Variants in PRR16 observed in about 807,000 individuals in gnomAD.
PRR16 encodes protein Largen.
A neutral mutation model predicts 18.2 loss-of-function variants in PRR16; 6 were observed. The ratio of observed to expected loss-of-function variants is 0.33; its 90% confidence interval spans 0.18 to 0.65. The LOEUF is 0.65. Among genes scored for constraint, PRR16 ranks in the 30% least tolerant of loss-of-function variants. The pLI is 0.74. For missense variants in PRR16, 412 were observed against 376.6 expected (o/e 1.09, Z -0.78); for synonymous variants, 151 against 147.8 (o/e 1.02, Z -0.16).
At chr5:120,479,463 G>A (rs2604164) in intron 1 of PRR16, among the ~76,000 whole-genome samples, 44,970 of 151,730 alleles carry the variant, frequency 0.3, 7,849 homozygotes, top group African/African-American at 0.48. Context: ...ATTATATACC[G>A]GAATAACCAC....
the PRR16 span, among the ~76,000 whole-genome samples, chr5:120,735,920 C>G: frequency 6.6e-6 from 1 of 152,054 alleles, no homozygotes; most frequent in African/African-American, 2.4e-5. Context: ...AGCTTTTCTC[C>G]TATGTTTGCT....
At chr5:120,598,120 T>C (rs919514491) in intron 1 of PRR16, among the ~76,000 whole-genome samples, 1 of 151,604 alleles carries the variant, frequency 6.6e-6, no homozygotes, top group African/African-American at 2.4e-5. Context: ...TATGTATAGG[T>C]TACCTTGTGA....
intron 1 of PRR16, among the ~76,000 whole-genome samples, chr5:120,512,780 C>T (rs539723191): frequency 1.3e-5 from 2 of 152,022 alleles, no homozygotes; most frequent in South Asian, 4.2e-4. Flanking sequence ...AAAAGGAGAC[C>T]AAAGTGAGAG....
chr5:120,586,266 G>T (rs1359675030), intron 1 of PRR16, among the ~76,000 whole-genome samples: 4 of 151,972 alleles, frequency 2.6e-5, no homozygotes, highest in Admixed American at 2.6e-4. Context: ...AATTGACTGG[G>T]TTATAGGTCT....
At chr5:120,581,879 G>A (rs1401337340) in intron 1 of PRR16, among the ~76,000 whole-genome samples, 1 of 152,092 alleles carries the variant, frequency 6.6e-6, no homozygotes, top group Non-Finnish European at 1.5e-5. Flanking sequence ...TGGTCTGAGA[G>A]ACTGTTTGTT....
intron 1 of PRR16, among the ~76,000 whole-genome samples, chr5:120,611,512 G>A (rs1239120923): frequency 2.6e-5 from 4 of 152,156 alleles, no homozygotes; most frequent in Admixed American, 2.6e-4. Context: ...GGTGCCCTGT[G>A]TACCAGCCGT....
intron 1 of PRR16, among the ~76,000 whole-genome samples, chr5:120,645,752 T>G (rs1490214305): frequency 6.6e-6 from 1 of 152,052 alleles, no homozygotes; most frequent in Non-Finnish European, 1.5e-5. Flanking sequence ...CTCCGTCATG[T>G]CATCCTTGGT....
chr5:120,779,066 C>T, the PRR16 span, among the ~76,000 whole-genome samples: 11 of 152,210 alleles, frequency 7.2e-5, no homozygotes, highest in Middle Eastern at 3.4e-3. Context: ...TTCCAGCATG[C>T]CTCATTTCCA....
intron 1 of PRR16, among the ~76,000 whole-genome samples, chr5:120,630,200 T>A (rs1439917221): frequency 6.6e-6 from 1 of 152,178 alleles, no homozygotes; most frequent in Non-Finnish European, 1.5e-5. Flanking sequence ...CTTTTTCTAA[T>A]TTTAATATAT....
chr5:120,470,282 A>T (rs2112796868), intron 1 of PRR16, among the ~76,000 whole-genome samples: 1 of 152,234 alleles, frequency 6.6e-6, no homozygotes, highest in Admixed American at 6.5e-5. Flanking sequence ...GGGCACTATT[A>T]AAAAAATCAA....
chr5:120,780,403 C>G, the PRR16 span, among the ~76,000 whole-genome samples: 1 of 151,562 alleles, frequency 6.6e-6, no homozygotes, highest in African/African-American at 2.4e-5. Flanking sequence ...GTGATCTTAA[C>G]TAATTTAATT....
At chr5:120,588,278 G>A (rs558218429) in intron 1 of PRR16, among the ~76,000 whole-genome samples, 143 of 152,248 alleles carry the variant, frequency 9.4e-4, no homozygotes, top group African/African-American at 3.3e-3. Flanking sequence ...GCTATGGCGG[G>A]GTTTGAAAGG....
At chr5:120,630,625 T>C (rs1343086291) in intron 1 of PRR16, among the ~76,000 whole-genome samples, 1 of 152,136 alleles carries the variant, frequency 6.6e-6, no homozygotes, top group Non-Finnish European at 1.5e-5. Context: ...CCATGTCTTC[T>C]ACCTTGAATA....
intron 1 of PRR16, among the ~76,000 whole-genome samples, chr5:120,502,031 C>G (rs1203316620): frequency 1.4e-5 from 2 of 146,042 alleles, no homozygotes; most frequent in Non-Finnish European, 3.0e-5. Context: ...AAGGGGGACT[C>G]AAGTACTCCT....
the PRR16 span, among the ~76,000 whole-genome samples, chr5:120,736,128 C>T: frequency 6.6e-6 from 1 of 152,204 alleles, no homozygotes; most frequent in African/African-American, 2.4e-5. Flanking sequence ...TTTGACCACA[C>T]ACGCAAGGTT....
chr5:120,626,038 G>C (rs1754852295), intron 1 of PRR16, among the ~76,000 whole-genome samples: 1 of 151,978 alleles, frequency 6.6e-6, no homozygotes, highest in Non-Finnish European at 1.5e-5. Context: ...AGTCTCTCTT[G>C]GAAACCTTAG....
rs911121832 is a variant in PRR16 at position 120,570,280 on chromosome 5, G to A, written c.159+105635G>A. ...GTGCATTGAGTGGCCCTGCCACTCA[G>A]TTCTATTCCTAGGTCTGGCACCATC... On this transcript the variant is annotated intron_variant, in intron 1 of 1. Coordinates refer to ENST00000407149, the MANE Select transcript of PRR16 (RefSeq NM_001300783.2). Among the ~76,000 whole-genome samples the A allele has an allele frequency of 2.0e-5, 3 of 152,046 alleles. No homozygotes were observed. The East Asian group carries it at 5.8e-4, about 29-fold the overall frequency.
At chr5:120,596,559 A>T (rs940617017) in intron 1 of PRR16, among the ~76,000 whole-genome samples, 1 of 151,784 alleles carries the variant, frequency 6.6e-6, no homozygotes, top group Non-Finnish European at 1.5e-5. Context: ...AGAGGATGAG[A>T]TAATCAATAC....
At chr5:120,493,261 T>C (rs950093927) in intron 1 of PRR16, among the ~76,000 whole-genome samples, 7 of 152,170 alleles carry the variant, frequency 4.6e-5, no homozygotes, top group Admixed American at 1.3e-4. Flanking sequence ...CTTGCAGAAA[T>C]AAGGTGGTAT....
Sources: gnomAD v4.1 joint callset for allele counts (sites outside exome capture counted in the v4.1 genomes callset) on GRCh38, gnomAD v4.1.1 for gene constraint, MANE v1.5 for transcripts, NCBI Gene and HGNC (gene_info 2026-07-23, HGNC 2026-07-21) for gene names.